CSMD1: variants seen among roughly 807,000 people sequenced by gnomAD.
CSMD1 encodes the protein CUB and Sushi multiple domains 1, also known as CUB and sushi domain-containing protein 1.
In CSMD1, 213 loss-of-function variants were observed where a neutral mutation model predicts 417.5. The ratio of observed to expected loss-of-function variants is 0.51; its 90% CI spans 0.46 to 0.57. CSMD1 has a LOEUF of 0.57. CSMD1 is among the 20% of genes least tolerant of loss of function. The pLI, the probability that CSMD1 is intolerant of heterozygous loss-of-function variation, is 0.00. For synonymous variants in CSMD1, 2,862 were observed against 1,736.8 expected, an observed-to-expected ratio of 1.65 and a Z score of -16.11; for missense variants, 6,923 against 4,529.7, an observed-to-expected ratio of 1.53 and a Z score of -15.17.
At chr8:4,661,772 A>T (rs76206670) in intron 1 of CSMD1, among the ~76,000 whole-genome samples, 5,643 of 152,322 alleles carry the variant, frequency 0.037, 156 homozygotes, top group East Asian at 0.15. Flanking sequence ...AAGACCATTA[A>T]ATCGTAATAA....
intron 26 of CSMD1, among the ~76,000 whole-genome samples, chr8:3,274,466 A>T (rs7816258): frequency 6.6e-6 from 1 of 151,826 alleles, no homozygotes; most frequent in African/African-American, 2.4e-5. Flanking sequence ...GAGCTGAGTT[A>T]AGTTCCTGGG....
chr8:3,250,203 C>T (rs985719216), intron 26 of CSMD1, among the ~76,000 whole-genome samples: 1 of 152,144 alleles, frequency 6.6e-6, no homozygotes, highest in African/African-American at 2.4e-5. Context: ...TACTATCCCT[C>T]CCTGATCCCC....
chr8:3,804,707 C>G (rs1800633841), intron 5 of CSMD1, among the ~76,000 whole-genome samples: 1 of 152,114 alleles, frequency 6.6e-6, no homozygotes, highest in Non-Finnish European at 1.5e-5. Flanking sequence ...AATGTAAACA[C>G]ATATATTTGT....
chr8:3,181,327 T>C (rs970760773), intron 36 of CSMD1, 113 bp from the exon 37 acceptor site: 3 of 697,850 alleles, frequency 4.3e-6, no homozygotes, highest in African/African-American at 3.6e-5. Flanking sequence ...TTTGTCTGAT[T>C]ACCAGATATT....
intron 5 of CSMD1, among the ~76,000 whole-genome samples, chr8:3,939,885 A>C (rs1810758400): frequency 6.6e-6 from 1 of 152,016 alleles, no homozygotes. Context: ...CGGGTGAGGG[A>C]ATGAAAGACT....
chr8:3,566,780 A>G (rs1799731067), intron 10 of CSMD1, among the ~76,000 whole-genome samples: 1 of 152,208 alleles, frequency 6.6e-6, no homozygotes, highest in Non-Finnish European at 1.5e-5. Flanking sequence ...AGAATTTAAC[A>G]GATGCTGGTG....
chr8:4,563,245 C>CA (rs373510680), intron 2 of CSMD1, among the ~76,000 whole-genome samples: 3 of 152,042 alleles, frequency 2.0e-5, no homozygotes, highest in African/African-American at 7.2e-5. Context: ...ACTAAAAATA[C>CA]AAAAAATTAG....
intron 3 of CSMD1, among the ~76,000 whole-genome samples, chr8:4,303,509 C>G (rs1315681079): frequency 8.0e-6 from 1 of 124,812 alleles, no homozygotes; most frequent in Non-Finnish European, 1.6e-5. Context: ...CCATCTCTAG[C>G]ACGTCTATAT....
At chr8:3,420,301 C>T (rs1585138441) in intron 12 of CSMD1, among the ~76,000 whole-genome samples, 2 of 151,868 alleles carry the variant, frequency 1.3e-5, no homozygotes, top group South Asian at 2.1e-4. Context: ...ACCAGGACTC[C>T]TCAAAATACC....
intron 1 of CSMD1, among the ~76,000 whole-genome samples, chr8:4,969,172 G>C (rs1354095196): frequency 6.6e-6 from 1 of 152,152 alleles, no homozygotes. Flanking sequence ...ATGGGATTGC[G>C]TGTGTGCGTG....
At chr8:4,909,513 C>T (rs1484487005) in intron 1 of CSMD1, among the ~76,000 whole-genome samples, 1 of 152,152 alleles carries the variant, frequency 6.6e-6, no homozygotes, top group African/African-American at 2.4e-5. Context: ...AAGAGAAAGC[C>T]TTCCTGATGT....
intron 3 of CSMD1, among the ~76,000 whole-genome samples, chr8:4,156,220 T>G (rs1245244466): frequency 1.3e-5 from 2 of 152,182 alleles, no homozygotes; most frequent in Non-Finnish European, 2.9e-5. Flanking sequence ...TGTGATATCC[T>G]TGGGGTGGTA....
rs151238691 is a variant in CSMD1 at position 2,966,734 on chromosome 8, C to T, written c.8936G>A (p.Gly2979Asp). Residue 2979 changes from glycine (G) to aspartate (D), a missense_variant, in exon 58 of 70, where the codon GGC becomes GAC. Coordinates refer to ENST00000635120, the MANE Select transcript of CSMD1 (RefSeq NM_033225.6). ...TCCGTTGGTGGGTGTGCCAGGGTTGCCACAGGACACGGCTGTTAGGCAAAC... is the reference window on the plus strand; with the variant it reads ...TCCGTTGGTGGGTGTGCCAGGGTTGTCACAGGACACGGCTGTTAGGCAAAC... Reference protein sequence around the residue: ...LQPVCEAVSCGNPGTPTNGMI... With the variant: ...LQPVCEAVSCDNPGTPTNGMI... 2.5e-5 allele frequency: 40 copies of T among 1,613,390 alleles called. No individual in the cohort carries two copies. The African/African-American group carries it at 4.7e-4, about 19-fold the overall frequency.
At chr8:4,274,580 A>G (rs1037023475) in intron 3 of CSMD1, among the ~76,000 whole-genome samples, 4 of 152,186 alleles carry the variant, frequency 2.6e-5, no homozygotes, top group Admixed American at 1.3e-4. Context: ...TCTTTAAATT[A>G]TATCTATTCT....
chr8:4,535,091 T>C (rs1322162244), intron 2 of CSMD1, among the ~76,000 whole-genome samples: 2 of 152,160 alleles, frequency 1.3e-5, no homozygotes, highest in African/African-American at 2.4e-5. Flanking sequence ...TTCTCTCTTA[T>C]AGGACTAGGG....
intron 37 of CSMD1, among the ~76,000 whole-genome samples, chr8:3,168,759 G>T (rs1448319204): frequency 1.3e-5 from 2 of 152,118 alleles, no homozygotes. Context: ...GAGGTAAAAA[G>T]ATTTTGTCTC....
intron 8 of CSMD1, among the ~76,000 whole-genome samples, chr8:3,604,643 C>G (rs1395316011): frequency 1.3e-5 from 2 of 151,952 alleles, no homozygotes; most frequent in South Asian, 2.1e-4. Flanking sequence ...TCAAAGGAGC[C>G]AAAAAGCAGG....
At chr8:4,011,854 G>C (rs189866013) in intron 4 of CSMD1, among the ~76,000 whole-genome samples, 1 of 152,158 alleles carries the variant, frequency 6.6e-6, no homozygotes, top group East Asian at 1.9e-4. Flanking sequence ...ATTGGGAATT[G>C]GTTCCAGGAT....
At chr8:3,632,812 C>T (rs1473212245) in intron 7 of CSMD1, among the ~76,000 whole-genome samples, 1 of 152,168 alleles carries the variant, frequency 6.6e-6, no homozygotes, top group Non-Finnish European at 1.5e-5. Flanking sequence ...GGTGCAAAGA[C>T]ATCTGTGTCT....
Sources: allele counts gnomAD v4.1 joint callset (sites outside exome capture counted in the v4.1 genomes callset), GRCh38; gene constraint gnomAD v4.1.1; transcripts MANE v1.5; gene names NCBI Gene and HGNC (gene_info 2026-07-23, HGNC 2026-07-21).